Variants in CTNNA3 observed in about 807,000 individuals in gnomAD.
The protein encoded by CTNNA3 is catenin alpha 3, also known as catenin alpha-3.
CTNNA3 carries 76 observed loss-of-function variants against 95.7 expected under a neutral mutation model. The ratio of observed to expected loss-of-function variants is 0.79; its 90% CI spans 0.66 to 0.96. CTNNA3 has a LOEUF of 0.96. Among genes scored for constraint, CTNNA3 ranks in the 40% least tolerant of loss-of-function variants. CTNNA3 has a pLI of 0.00. For missense variants in CTNNA3, 1,191 were observed against 1,089.8 expected (o/e 1.09, Z -1.31); for synonymous variants, 431 against 374.4 (o/e 1.15, Z -1.74).
chr10:66,037,623 A>T (rs1450042980), intron 15 of CTNNA3, among the ~76,000 whole-genome samples: 1 of 152,244 alleles, frequency 6.6e-6, no homozygotes, highest in Non-Finnish European at 1.5e-5. Flanking sequence ...CTGGAAATAC[A>T]GAGTAAACCA....
At chr10:66,309,684 T>TA (rs2091982140) in intron 12 of CTNNA3, among the ~76,000 whole-genome samples, 1 of 15,296 alleles carries the variant, frequency 6.5e-5, no homozygotes, top group Non-Finnish European at 1.1e-4. Context: ...AGACTCCGTC[T>TA]CAAAAAAAAA....
At chr10:67,532,441 A>G (rs1235534391) in intron 4 of CTNNA3, among the ~76,000 whole-genome samples, 3 of 152,206 alleles carry the variant, frequency 2.0e-5, no homozygotes, top group Non-Finnish European at 4.4e-5. Context: ...TTGTCCACAA[A>G]TGCTTTATAA....
At chr10:66,107,625 T>C (rs1283487161) in intron 13 of CTNNA3, among the ~76,000 whole-genome samples, 1 of 152,080 alleles carries the variant, frequency 6.6e-6, no homozygotes, top group East Asian at 1.9e-4. Flanking sequence ...ATACATTTCA[T>C]ATATATATCC....
At position 66,328,933 on chromosome 10, in the gene CTNNA3, T is replaced by TATATATATATATATATATATAC. The variant is rs59003281; in HGVS notation, c.1733-48313_1733-48312insGTATATATATATATATATATAT. On this transcript the variant is annotated intron_variant, in intron 12 of 17. Transcript: ENST00000433211. ...ATACATATATATATATATATATATA[T>TATATATATATATATATATATAC]ACACACACACATATAAATATAATTT... 5.3e-3 allele frequency among the ~76,000 whole-genome samples: 610 copies of TATATATATATATATATATATAC among 115,042 alleles called. 6 individuals are homozygous for TATATATATATATATATATATAC. The highest frequency in any genetic ancestry group is 7.9e-3 in the South Asian group (26 of 3,284). The allele number at this position is 115,042 out of a possible 152,430, so 75.5% of individuals were successfully genotyped here.
intron 1 of CTNNA3, among the ~76,000 whole-genome samples, chr10:67,685,419 A>G (rs987736842): frequency 3.3e-5 from 5 of 152,214 alleles, no homozygotes. Context: ...CACTTACTGA[A>G]CACCCATTGT....
intron 1 of CTNNA3, among the ~76,000 whole-genome samples, chr10:67,704,303 G>C (rs566478546): frequency 5.9e-5 from 9 of 152,290 alleles, no homozygotes; most frequent in African/African-American, 2.2e-4. Context: ...AACCAAAAAA[G>C]AGCCCGCATC....
intron 4 of CTNNA3, among the ~76,000 whole-genome samples, chr10:67,535,764 A>T (rs961050814): frequency 6.6e-6 from 1 of 152,106 alleles, no homozygotes; most frequent in Non-Finnish European, 1.5e-5. Flanking sequence ...GGGGACTTCT[A>T]TTTCTTGTAA....
At chr10:65,944,885 TATCTATCTATCTATC>T (rs764800444) in intron 17 of CTNNA3, among the ~76,000 whole-genome samples, 5,453 of 148,730 alleles carry the variant, frequency 0.037, 145 homozygotes, top group Admixed American at 0.095. Context: ...TCTATCTATC[TATCTATCTATCTATC>T]ATCTATCTAT....
chr10:67,228,567 C>T (rs1159570396), intron 5 of CTNNA3, among the ~76,000 whole-genome samples: 1 of 151,790 alleles, frequency 6.6e-6, no homozygotes, highest in African/African-American at 2.4e-5. Context: ...GGGCTGAGAT[C>T]GTGCCACTGC....
chr10:66,108,986 TA>T (rs1239020118), intron 13 of CTNNA3, among the ~76,000 whole-genome samples: 1 of 152,174 alleles, frequency 6.6e-6, no homozygotes, highest in Non-Finnish European at 1.5e-5. Context: ...AGGTTTTCCA[TA>T]AGCTCAGAAG....
intron 9 of CTNNA3, among the ~76,000 whole-genome samples, chr10:66,666,892 A>G (rs1171814611): frequency 3.3e-5 from 5 of 152,140 alleles, no homozygotes; most frequent in African/African-American, 7.2e-5. Context: ...TATCTGTGGT[A>G]TTCAAATTTC....
intron 1 of CTNNA3, among the ~76,000 whole-genome samples, chr10:67,706,034 A>G (rs1841076927): frequency 6.6e-6 from 1 of 152,152 alleles, no homozygotes; most frequent in African/African-American, 2.4e-5. Context: ...AGGTCTTGGC[A>G]TGAATGGCAT....
At chr10:67,330,479 C>T (rs1404454424) in intron 5 of CTNNA3, among the ~76,000 whole-genome samples, 1 of 152,122 alleles carries the variant, frequency 6.6e-6, no homozygotes, top group Non-Finnish European at 1.5e-5. Context: ...GTGACTGACA[C>T]ACTGAAAGAT....
chr10:66,923,134 A>G (rs1846875837), intron 7 of CTNNA3, among the ~76,000 whole-genome samples: 1 of 152,246 alleles, frequency 6.6e-6, no homozygotes, highest in African/African-American at 2.4e-5. Flanking sequence ...GGGTAGGTGT[A>G]AAGTCAGAAC....
chr10:67,652,140 T>C (rs374625254), intron 1 of CTNNA3, among the ~76,000 whole-genome samples: 13 of 152,252 alleles, frequency 8.5e-5, no homozygotes, highest in African/African-American at 2.9e-4. Flanking sequence ...GCATGGCAGA[T>C]AGCAGAACAC....
chr10:67,576,205 G>T (rs1842138209), intron 3 of CTNNA3, among the ~76,000 whole-genome samples: 1 of 152,078 alleles, frequency 6.6e-6, no homozygotes, highest in Admixed American at 6.6e-5. Flanking sequence ...AAAGCATGAA[G>T]CTTCTGAAGG....
chr10:67,226,525 C>G (rs1285022218), intron 5 of CTNNA3, among the ~76,000 whole-genome samples: 1 of 152,212 alleles, frequency 6.6e-6, no homozygotes, highest in African/African-American at 2.4e-5. Flanking sequence ...CAGCAGATTT[C>G]TCACCAGAAA....
upstream of CTNNA3, among the ~76,000 whole-genome samples, chr10:67,697,407 A>C (rs1840986964): frequency 6.6e-6 from 1 of 152,230 alleles, no homozygotes; most frequent in Non-Finnish European, 1.5e-5. Context: ...TAGAGCTTTA[A>C]TAATGAATGT....
intron 10 of CTNNA3, among the ~76,000 whole-genome samples, chr10:66,593,135 C>T (rs940204234): frequency 3.3e-5 from 5 of 152,076 alleles, no homozygotes; most frequent in Non-Finnish European, 5.9e-5. Context: ...ATTGCATCAG[C>T]ATTATGTAAG....
Sources: gnomAD v4.1 joint callset for allele counts (sites outside exome capture counted in the v4.1 genomes callset) on GRCh38, gnomAD v4.1.1 for gene constraint, MANE v1.5 for transcripts, NCBI Gene and HGNC (gene_info 2026-07-23, HGNC 2026-07-21) for gene names.